Variants in ASCC3 observed in about 807,000 individuals in gnomAD.
ASCC3 encodes the protein activating signal cointegrator 1 complex subunit 3.
ASCC3 carries 158 observed loss-of-function variants against 256.3 expected under a neutral mutation model. That is an observed-to-expected ratio of 0.62 (90% confidence interval 0.54 to 0.70). The LOEUF is 0.70. Among genes scored for constraint, ASCC3 ranks in the 30% least tolerant of loss-of-function variants. The probability of loss-of-function intolerance (pLI) is 0.00; values close to 1 mark genes in which losing one functional copy is unlikely to be tolerated. For synonymous variants in ASCC3, 948 were observed against 883.4 expected, an observed-to-expected ratio of 1.07 and a Z score of -1.30; for missense variants, 2,259 against 2,626.0, an observed-to-expected ratio of 0.86 and a Z score of 3.05.
intron 37 of ASCC3, among the ~76,000 whole-genome samples, chr6:100,534,287 A>C (rs1471754673): frequency 6.6e-6 from 1 of 152,170 alleles, no homozygotes; most frequent in Non-Finnish European, 1.5e-5. Context: ...CCAAACAAAC[A>C]AAAAATACAC....
intron 4 of ASCC3, among the ~76,000 whole-genome samples, chr6:100,814,787 A>C (rs1432256905): frequency 6.6e-6 from 1 of 151,956 alleles, no homozygotes; most frequent in African/African-American, 2.4e-5. Context: ...CAGTGGTGAT[A>C]TTCCCCTTAT....
intron 10 of ASCC3, among the ~76,000 whole-genome samples, chr6:100,728,608 A>G (rs1038024304): frequency 6.6e-5 from 10 of 152,144 alleles, no homozygotes; most frequent in Non-Finnish European, 1.5e-4. Flanking sequence ...ATGTCCATCA[A>G]CAATAACATG....
At chr6:100,816,794 C>T (rs1770771979) in intron 4 of ASCC3, among the ~76,000 whole-genome samples, 1 of 151,962 alleles carries the variant, frequency 6.6e-6, no homozygotes, top group Admixed American at 6.6e-5. Flanking sequence ...GTAGAAATAA[C>T]TAATAAGTTC....
chr6:100,766,594 A>G lies in ASCC3; in HGVS notation c.1708T>C (p.Leu570=), dbSNP rs1781667573. ...IVKELTGDMQ[L]SKSEILRTQM... is the part of the protein sequence containing the mutation. ...GTTCGTAAAATTTCACTTTTGGACA[A>G]CTGCATGTCACCAGTCAATTCTTTC... The change falls in exon 10 of 42, where the codon TTG becomes CTG. Residue 570 remains leucine, a synonymous_variant. Transcript: ENST00000369162. The G allele has an allele frequency of 6.2e-7, 1 of 1,613,990 alleles. No individual in the cohort carries two copies. The highest frequency in any genetic ancestry group is 1.7e-5 in the Admixed American group (1 of 60,012).
intron 8 of ASCC3, among the ~76,000 whole-genome samples, chr6:100,773,226 T>C (rs1562286697): frequency 6.6e-6 from 1 of 152,180 alleles, no homozygotes; most frequent in Non-Finnish European, 1.5e-5. Context: ...TTGTTAAATA[T>C]GTTGAAATAA....
intron 36 of ASCC3, among the ~76,000 whole-genome samples, chr6:100,549,830 A>G (rs551121975): frequency 1.3e-5 from 2 of 152,144 alleles, no homozygotes; most frequent in South Asian, 4.1e-4. Context: ...AGAGAAGAGC[A>G]CTGAAGAAAA....
chr6:100,561,112 T>C (rs1769922053), intron 36 of ASCC3, among the ~76,000 whole-genome samples: 1 of 151,774 alleles, frequency 6.6e-6, no homozygotes, highest in African/African-American at 2.4e-5. Flanking sequence ...CTGTAGATTT[T>C]TGTCTTCTCC....
chr6:100,620,548 A>G lies in ASCC3; in HGVS notation c.4785+4644T>C, dbSNP rs1299045245. On this transcript the variant is annotated intron_variant, in intron 30 of 41. Coordinates refer to ENST00000369162, the MANE Select transcript of ASCC3 (RefSeq NM_006828.4). ...TCTCTAGCCTCTTGTGATCTACCCT[A>G]GCTTTCTTTATTCTCCATGCCCCCA... Among the ~76,000 whole-genome samples, 5 of 152,124 alleles carry G rather than the reference A, an allele frequency of 3.3e-5. No individual in the cohort carries two copies. In the South Asian group the frequency reaches 8.3e-4, roughly 25 times the overall value.
chr6:100,597,110 A>T (rs765598325), intron 34 of ASCC3, among the ~76,000 whole-genome samples: 14 of 152,132 alleles, frequency 9.2e-5, no homozygotes, highest in Non-Finnish European at 4.4e-5. Flanking sequence ...ACCCTTAATG[A>T]GGCCCACCCT....
chr6:100,729,642 C>A (rs995360893), intron 10 of ASCC3, among the ~76,000 whole-genome samples: 2 of 152,106 alleles, frequency 1.3e-5, no homozygotes, highest in Non-Finnish European at 2.9e-5. Context: ...GGAAGTTATA[C>A]AAGTCATATT....
At chr6:100,557,404 T>A (rs759524327) in intron 36 of ASCC3, among the ~76,000 whole-genome samples, 2 of 152,192 alleles carry the variant, frequency 1.3e-5, no homozygotes, top group Non-Finnish European at 2.9e-5. Context: ...TGTCTGTTTT[T>A]GCTGCATGGA....
At chr6:100,687,042 A>T (rs1244315734) in intron 13 of ASCC3, among the ~76,000 whole-genome samples, 1 of 150,698 alleles carries the variant, frequency 6.6e-6, no homozygotes, top group African/African-American at 2.5e-5. Context: ...TCTCACACAC[A>T]CACACACACA....
At chr6:100,595,203 G>A (rs938465751) in intron 34 of ASCC3, among the ~76,000 whole-genome samples, 2 of 152,086 alleles carry the variant, frequency 1.3e-5, no homozygotes, top group Admixed American at 6.6e-5. Context: ...AAGAGTAGAT[G>A]TTCTTGCTAC....
intron 4 of ASCC3, among the ~76,000 whole-genome samples, chr6:100,843,518 T>A (rs942982084): frequency 6.6e-6 from 1 of 152,218 alleles, no homozygotes; most frequent in Non-Finnish European, 1.5e-5. Flanking sequence ...AGTATCTACA[T>A]CAGCATTAAT....
At position 100,583,845 on chromosome 6, in the gene ASCC3, C is replaced by A. The variant is rs372901170; in HGVS notation, c.5550+5789G>T. Among the ~76,000 whole-genome samples, 57 of 152,170 alleles carry A rather than the reference C, an allele frequency of 3.7e-4. No homozygotes were observed. The East Asian group carries it at 0.01, about 28-fold the overall frequency. On this transcript the variant is annotated intron_variant, in intron 36 of 41. Transcript: ENST00000369162. ...ATTTCTGCCTTCATTTCGTTATGTA[C>A]CCAGTGGTCATTCAGGAGCAGGTTG...
At chr6:100,745,657 C>G (rs1478174653) in intron 10 of ASCC3, among the ~76,000 whole-genome samples, 1 of 152,244 alleles carries the variant, frequency 6.6e-6, no homozygotes, top group Non-Finnish European at 1.5e-5. Context: ...TTCTGTGTAT[C>G]TGCATTATCC....
At chr6:100,767,459 C>T in intron 8 of ASCC3, 114 bp from the exon 9 acceptor site, 5 of 1,071,346 alleles carry the variant, frequency 4.7e-6, no homozygotes, top group South Asian at 2.7e-5. Context: ...CTAATTTGTA[C>T]TTTCACAATG....
intron 30 of ASCC3, among the ~76,000 whole-genome samples, chr6:100,612,299 T>G (rs1273935526): frequency 6.6e-6 from 1 of 152,024 alleles, no homozygotes; most frequent in East Asian, 1.9e-4. Context: ...GAGACCAGAT[T>G]GAACAAGAAT....
chr6:100,756,031 A>G lies in ASCC3; in HGVS notation c.1737+10534T>C, dbSNP rs186627566. On this transcript the variant is annotated intron_variant, in intron 10 of 41. Coordinates refer to ENST00000369162, the MANE Select transcript of ASCC3 (RefSeq NM_006828.4). The stretch of plus-strand genomic sequence containing the variant: ...TCATTAGGAGATTTTTAAGATTCAT[A>G]TATGTAAAAATCTTATTGTTGGAAT... Among the ~76,000 whole-genome samples, 223 of 152,146 alleles carry G rather than the reference A, an allele frequency of 1.5e-3. 1 individual carries two copies. Among genetic ancestry groups the G allele is most frequent in the African/African-American group, 5.2e-3 (217 of 41,568 alleles).
Sources: gnomAD v4.1 joint callset for allele counts (sites outside exome capture counted in the v4.1 genomes callset) on GRCh38, gnomAD v4.1.1 for gene constraint, MANE v1.5 for transcripts, NCBI Gene and HGNC (gene_info 2026-07-23, HGNC 2026-07-21) for gene names.